The following SIK3 variants were observed in gnomAD, a reference collection of about 807,000 sequenced individuals.
The protein encoded by SIK3 is serine/threonine-protein kinase SIK3.
SIK3 carries 28 observed loss-of-function variants against 144.2 expected under a neutral mutation model. That is an observed-to-expected ratio of 0.19 (90% CI 0.14 to 0.27). The LOEUF is 0.27. Among genes scored for constraint, SIK3 ranks in the 10% least tolerant of loss-of-function variants. The pLI is 1.00. For missense variants in SIK3, 1,319 were observed against 1,776.0 expected (o/e 0.74, Z 4.62); for synonymous variants, 686 against 676.3 (o/e 1.01, Z -0.22).
chr11:117,035,818 G>A (rs187413996), intron 1 of SIK3: 1 of 1,522,666 alleles, frequency 6.6e-7, no homozygotes, highest in Non-Finnish European at 9.0e-7. Context: ...TCCTCCTGAA[G>A]GAACATCCTT....
chr11:116,886,024 C>A (rs182373070), intron 6 of SIK3, among the ~76,000 whole-genome samples: 11 of 152,260 alleles, frequency 7.2e-5, no homozygotes, highest in African/African-American at 2.4e-4. Flanking sequence ...CTTGGAATGT[C>A]CTTCTTTTAT....
At chr11:117,032,992 C>T (rs1443661622) in intron 1 of SIK3, among the ~76,000 whole-genome samples, 1 of 152,116 alleles carries the variant, frequency 6.6e-6, no homozygotes, top group African/African-American at 2.4e-5. Context: ...TTTGTCCTTA[C>T]AAAAAGGTCC....
rs1943732497 is a variant in SIK3 at position 116,867,869 on chromosome 11, C to T, written c.1952+77G>A. The T allele has an allele frequency of 1.1e-5, 15 of 1,380,688 alleles. No homozygotes were observed. Among genetic ancestry groups the T allele is most frequent in the East Asian group, 2.6e-5 (1 of 38,768 alleles). The allele number at this position is 1,380,688 out of a possible 1,614,324, so 85.5% of individuals were successfully genotyped here. A position where few individuals can be genotyped will look rare whatever the true frequency, so the allele number is the denominator to read the frequency against. On this transcript the variant is annotated intron_variant, in intron 15 of 24. Transcript: ENST00000445177. The surrounding 1 kb of genome is among the most constrained non-coding windows in gnomAD (Gnocchi z 4.1). ...TATTTAAAGCCACGATGCTAGTCAC[C>T]GTCGCTGTGAGACTAATCAGAAGGG...
chr11:117,066,084 T>C (rs1242882102), intron 1 of SIK3, among the ~76,000 whole-genome samples: 3 of 151,584 alleles, frequency 2.0e-5, no homozygotes, highest in African/African-American at 7.3e-5. Context: ...TTTTTTTTTT[T>C]TTTGAGATGG....
At chr11:116,889,853 C>T (rs1220186109) in intron 6 of SIK3, among the ~76,000 whole-genome samples, 2 of 152,086 alleles carry the variant, frequency 1.3e-5, no homozygotes, top group Non-Finnish European at 2.9e-5. Context: ...GCCAAGATCA[C>T]GCCACTGCAC....
intron 1 of SIK3, among the ~76,000 whole-genome samples, chr11:117,048,404 C>G (rs778659039): frequency 2.0e-5 from 3 of 152,210 alleles, no homozygotes; most frequent in Non-Finnish European, 4.4e-5. Flanking sequence ...CGCCTGTAAT[C>G]CCAGCACTTT....
chr11:116,874,176 T>A, intron 11 of SIK3, 120 bp from the exon 12 acceptor site: 1 of 1,050,976 alleles, frequency 9.5e-7, no homozygotes. Flanking sequence ...TTCCTGAATT[T>A]ATGTTTCTCT....
chr11:117,069,124 G>A (rs1159350538), intron 1 of SIK3, among the ~76,000 whole-genome samples: 2 of 135,404 alleles, frequency 1.5e-5, no homozygotes, highest in African/African-American at 5.4e-5. Context: ...TAGAGAGAAA[G>A]AAGATAAAGG....
At chr11:117,075,461 T>C (rs1039304069) in intron 1 of SIK3, among the ~76,000 whole-genome samples, 12 of 152,238 alleles carry the variant, frequency 7.9e-5, no homozygotes, top group African/African-American at 2.9e-4. Flanking sequence ...AGTTAATTTA[T>C]TCCTTCTAGG....
intron 1 of SIK3, among the ~76,000 whole-genome samples, chr11:116,984,260 GC>G (rs1364256448): frequency 6.6e-6 from 1 of 152,040 alleles, no homozygotes; most frequent in East Asian, 1.9e-4. Context: ...AAGAGAAATA[GC>G]TATTTTGGCT....
intron 1 of SIK3, among the ~76,000 whole-genome samples, chr11:117,028,020 A>G (rs560046435): frequency 6.6e-6 from 1 of 152,316 alleles, no homozygotes; most frequent in African/African-American, 2.4e-5. Context: ...ACTGTTAACA[A>G]TATTAACTAA....
At chr11:116,893,112 T>C (rs966990170) in intron 6 of SIK3, among the ~76,000 whole-genome samples, 1 of 152,212 alleles carries the variant, frequency 6.6e-6, no homozygotes, top group Non-Finnish European at 1.5e-5. Flanking sequence ...AACAATTTTA[T>C]ATGTATTATA....
At chr11:116,875,646 CA>C (rs941482792) in intron 9 of SIK3, 195 bp from the exon 10 acceptor site, 27 of 809,992 alleles carry the variant, frequency 3.3e-5, no homozygotes, top group Non-Finnish European at 5.1e-5. Flanking sequence ...GCTATTTCTT[CA>C]AAAAAACAAA....
At chr11:116,949,296 G>A (rs569952147) in intron 3 of SIK3, among the ~76,000 whole-genome samples, 4 of 152,264 alleles carry the variant, frequency 2.6e-5, no homozygotes, top group Admixed American at 2.0e-4. Context: ...AGGCAGCTTC[G>A]GTATGCCTAC....
At chr11:117,056,016 C>T (rs894065380) in intron 1 of SIK3, among the ~76,000 whole-genome samples, 2 of 152,126 alleles carry the variant, frequency 1.3e-5, no homozygotes, top group African/African-American at 4.8e-5. Context: ...CCTATAGCAG[C>T]ACAAAAGAAC....
In SIK3 at chr11:116,858,091, GGT is replaced by G; in HGVS notation, c.3372_3373del (p.Pro1125HisfsTer25). 6.2e-7 allele frequency: 1 copy of G among 1,614,068 alleles called. No homozygotes were observed. Among genetic ancestry groups the G allele is most frequent in the Non-Finnish European group, 8.5e-7 (1 of 1,179,958 alleles). ...GTGAGCATACCCGTGGGGCGGGGTG[GGT>G]GAGGAAGCCTGTGAGACACATTCTT... On this transcript the variant is annotated frameshift_variant, in exon 21 of 25. Coordinates refer to ENST00000445177, the MANE Select transcript of SIK3 (RefSeq NM_001366686.3). LOFTEE classifies it high-confidence loss of function. This position sits in a 1 kb window ranked among gnomAD's most constrained non-coding sequence, Gnocchi z 5.4.
At chr11:117,021,928 C>CAAAAAAAAAAAAAAAAAAAAAAAAAAA (rs71037444) in intron 1 of SIK3, among the ~76,000 whole-genome samples, 6 of 59,004 alleles carry the variant, frequency 1.0e-4, no homozygotes, top group South Asian at 7.2e-4. Context: ...TCTGTCTCTA[C>CAAAAAAAAAAAAAAAAAAAAAAAAAAA]AAAAAAAAAA....
chr11:116,992,857 C>T (rs1246021824), intron 1 of SIK3, among the ~76,000 whole-genome samples: 4 of 152,086 alleles, frequency 2.6e-5, no homozygotes, highest in Admixed American at 2.6e-4. Context: ...TAGTGCCATG[C>T]ACCTGTAGTC....
chr11:116,900,489 G>A (rs76252450), intron 4 of SIK3, among the ~76,000 whole-genome samples: 1,993 of 152,126 alleles, frequency 0.013, 55 homozygotes, highest in African/African-American at 0.045. Context: ...CAAAAAACAT[G>A]GGCTGCCTCC....
Sources: gnomAD v4.1 joint callset for allele counts (sites outside exome capture counted in the v4.1 genomes callset) on GRCh38, gnomAD v4.1.1 for gene constraint, Gnocchi (gnomAD v3.1) non-coding constraint, MANE v1.5 for transcripts, NCBI Gene and HGNC (gene_info 2026-07-23, HGNC 2026-07-21) for gene names.